MAP4K3: variants seen among roughly 807,000 people sequenced by gnomAD.
MAP4K3 encodes MAPK/ERK kinase kinase kinase 3.
In MAP4K3, 94 loss-of-function variants were observed where a neutral mutation model predicts 143.5. The ratio of observed to expected loss-of-function variants is 0.65; its 90% CI spans 0.55 to 0.78. MAP4K3 has a LOEUF of 0.78. Among genes scored for constraint, MAP4K3 ranks in the 30% least tolerant of loss-of-function variants. The pLI is 0.00. For missense variants in MAP4K3, 1,077 were observed against 1,068.1 expected (o/e 1.01, Z -0.12); for synonymous variants, 416 against 347.2 (o/e 1.20, Z -2.20).
Position 39,349,734 on chromosome 2 carries a change from G to A in MAP4K3, c.246-6282C>T, listed in dbSNP as rs141914131. On this transcript the variant is annotated intron_variant, in intron 3 of 33. Transcript: ENST00000263881. ...TGGAGGAAGCGAAAAAAGAGGAGAA[G>A]GGGGATGGGAAAAGTTGAGAGGGGG... 3.2e-3 allele frequency among the ~76,000 whole-genome samples: 490 copies of A among 150,818 alleles called. 3 individuals carry two copies. Among genetic ancestry groups the A allele is most frequent in the African/African-American group, 0.011 (470 of 41,008 alleles).
At chr2:39,340,688 C>T (rs113717977) in intron 4 of MAP4K3, among the ~76,000 whole-genome samples, 77 of 151,586 alleles carry the variant, frequency 5.1e-4, no homozygotes, top group African/African-American at 1.8e-3. Context: ...AAAAAAGGTA[C>T]GCCTTAAAAA....
intron 1 of MAP4K3, among the ~76,000 whole-genome samples, chr2:39,420,393 T>C (rs1667512620): frequency 6.6e-6 from 1 of 152,214 alleles, no homozygotes; most frequent in African/African-American, 2.4e-5. Flanking sequence ...ACTGAAGTCA[T>C]GAATCATGAA....
chr2:39,436,811 A>T, intron 1 of MAP4K3, 81 bp downstream of exon 1: 1 of 1,221,274 alleles, frequency 8.2e-7, no homozygotes, highest in East Asian at 2.6e-5. Context: ...TCCCGAGGAC[A>T]GGCGGCAAGG....
intron 12 of MAP4K3, among the ~76,000 whole-genome samples, chr2:39,321,359 A>G (rs1049140184): frequency 6.6e-6 from 1 of 152,170 alleles, no homozygotes; most frequent in African/African-American, 2.4e-5. Flanking sequence ...AGGGTTGTGC[A>G]AGATGTGCTT....
chr2:39,285,497 G>C (rs991070584), intron 21 of MAP4K3, among the ~76,000 whole-genome samples: 94 of 152,250 alleles, frequency 6.2e-4, no homozygotes, highest in African/African-American at 2.1e-3. Flanking sequence ...ATTGTTGAAA[G>C]CAAAAAGGCA....
intron 1 of MAP4K3, among the ~76,000 whole-genome samples, chr2:39,404,768 T>C (rs1161461011): frequency 6.6e-6 from 1 of 151,986 alleles, no homozygotes; most frequent in Non-Finnish European, 1.5e-5. Context: ...ATTATAGGCT[T>C]GCACGACCAC....
chr2:39,426,240 TGC>T (rs1327689888), intron 1 of MAP4K3, among the ~76,000 whole-genome samples: 2 of 152,094 alleles, frequency 1.3e-5, no homozygotes, highest in African/African-American at 4.8e-5. Context: ...AAATAAATGA[TGC>T]GTACTACTCA....
At chr2:39,257,583 G>A (rs1412246956) in intron 31 of MAP4K3, among the ~76,000 whole-genome samples, 5 of 151,836 alleles carry the variant, frequency 3.3e-5, no homozygotes, top group Admixed American at 1.3e-4. Flanking sequence ...GGTGGATCAC[G>A]AGGTCAAGAG....
chr2:39,315,711 C>A (rs1044178055), intron 12 of MAP4K3, among the ~76,000 whole-genome samples: 3 of 152,114 alleles, frequency 2.0e-5, no homozygotes, highest in Admixed American at 2.0e-4. Context: ...TAGATCCATT[C>A]TACAAGGATG....
intron 1 of MAP4K3, among the ~76,000 whole-genome samples, chr2:39,392,620 C>A (rs1666697260): frequency 1.3e-5 from 2 of 152,188 alleles, no homozygotes; most frequent in Admixed American, 1.3e-4. Context: ...TCACTATGGT[C>A]TGAATGGGTC....
intron 31 of MAP4K3, among the ~76,000 whole-genome samples, chr2:39,256,539 TG>T (rs1457602542): frequency 6.6e-6 from 1 of 152,252 alleles, no homozygotes; most frequent in Non-Finnish European, 1.5e-5. Flanking sequence ...CTTGGTATTG[TG>T]TATTACATAA....
chr2:39,297,062 T>C (rs372921725), intron 16 of MAP4K3, among the ~76,000 whole-genome samples: 1 of 152,192 alleles, frequency 6.6e-6, no homozygotes, highest in Non-Finnish European at 1.5e-5. Flanking sequence ...GAAGAGAATT[T>C]ACCTTCAACA....
At chr2:39,320,773 T>C (rs530839336) in intron 12 of MAP4K3, among the ~76,000 whole-genome samples, 1 of 152,358 alleles carries the variant, frequency 6.6e-6, no homozygotes, top group Non-Finnish European at 1.5e-5. Flanking sequence ...CATGTAATTA[T>C]TGCAATACCC....
At chr2:39,284,454 C>T (rs1295314026) in intron 21 of MAP4K3, among the ~76,000 whole-genome samples, 1 of 152,092 alleles carries the variant, frequency 6.6e-6, no homozygotes, top group Admixed American at 6.6e-5. Context: ...AGCCACTGTG[C>T]CCGGCCTAGC....
chr2:39,369,665 C>G (rs17023773), intron 2 of MAP4K3, among the ~76,000 whole-genome samples: 5,736 of 152,230 alleles, frequency 0.038, 135 homozygotes, highest in South Asian at 0.053. Context: ...GTCTTGAAGG[C>G]TCATCTGAAG....
intron 1 of MAP4K3, among the ~76,000 whole-genome samples, chr2:39,390,522 A>C (rs1235948340): frequency 1.3e-5 from 2 of 152,200 alleles, no homozygotes; most frequent in Non-Finnish European, 2.9e-5. Flanking sequence ...CTCACACTTG[A>C]GAAACACCAT....
intron 1 of MAP4K3, among the ~76,000 whole-genome samples, chr2:39,392,479 A>G (rs1262842994): frequency 6.6e-6 from 1 of 152,200 alleles, no homozygotes; most frequent in Non-Finnish European, 1.5e-5. Flanking sequence ...TTGCCCCTAT[A>G]CTAAATCATA....
At chr2:39,436,867 G>A in intron 1 of MAP4K3, 25 bp downstream of exon 1, 1 of 1,579,472 alleles carries the variant, frequency 6.3e-7, no homozygotes, top group Non-Finnish European at 8.6e-7. Context: ...CCACGGCCTC[G>A]GCGGCGCGCG....
chr2:39,346,260 A>G (rs1047825609), intron 3 of MAP4K3, among the ~76,000 whole-genome samples: 1 of 152,220 alleles, frequency 6.6e-6, no homozygotes, highest in African/African-American at 2.4e-5. Flanking sequence ...TTAACTTCTC[A>G]GCAACTACAT....
Sources: gnomAD v4.1 joint callset for allele counts (sites outside exome capture counted in the v4.1 genomes callset) on GRCh38, gnomAD v4.1.1 for gene constraint, MANE v1.5 for transcripts, NCBI Gene and HGNC (gene_info 2026-07-23, HGNC 2026-07-21) for gene names.